The following PTPN20 variants were observed in gnomAD, a reference collection of about 807,000 sequenced individuals.
PTPN20 encodes the protein tyrosine-protein phosphatase non-receptor type 20.
PTPN20 carries 9 observed loss-of-function variants against 35.0 expected under a neutral mutation model. The ratio of observed to expected loss-of-function variants is 0.26; its 90% CI spans 0.15 to 0.45. PTPN20 has a LOEUF of 0.45. Among genes scored for constraint, PTPN20 ranks in the 20% least tolerant of loss-of-function variants. The probability of loss-of-function intolerance (pLI) is 1.00; values close to 1 mark genes in which losing one functional copy is unlikely to be tolerated. For synonymous variants in PTPN20, 32 were observed against 100.2 expected (o/e 0.32, Z 4.06); for missense variants, 111 against 312.5 (o/e 0.36, Z 4.86).
chr10:46,997,772 A>G (rs1179259078), intron 9 of PTPN20, among the ~76,000 whole-genome samples: 1 of 152,194 alleles, frequency 6.6e-6, no homozygotes, highest in Non-Finnish European at 1.5e-5. Context: ...CAGTTCACCA[A>G]AGAGAACATA....
chr10:47,001,445 C>T lies in PTPN20; in HGVS notation c.*704C>T, dbSNP rs1806797. 74,671 of 151,974 alleles carry T rather than the reference C, an allele frequency of 0.49. 19,605 individuals are homozygous for T. The highest frequency in any genetic ancestry group is 0.68 in the African/African-American group (28,249 of 41,404). The allele number at this position is 151,974 out of a possible 1,614,324, so 9.4% of individuals were successfully genotyped here. On this transcript the variant is annotated 3_prime_UTR_variant, in exon 11 of 11. Coordinates refer to ENST00000374339, the MANE Select transcript of PTPN20 (RefSeq NM_001042357.5). ...TTTATATAGAAAGCCCAAGAGGAGA[C>T]TTTTGCCATGCCTGAGTTCTTTCCT...
intron 5 of PTPN20, among the ~76,000 whole-genome samples, chr10:46,951,327 C>G (rs2046589174): frequency 1.3e-5 from 2 of 151,984 alleles, no homozygotes; most frequent in African/African-American, 4.8e-5. Flanking sequence ...TTATTAACTT[C>G]TTCTTGGATT....
chr10:46,923,444 T>C (rs1186465727), intron 1 of PTPN20, among the ~76,000 whole-genome samples: 3 of 144,934 alleles, frequency 2.1e-5, no homozygotes, highest in Middle Eastern at 3.3e-3. Context: ...TAAGGTCTGT[T>C]CCATTATCAT....
chr10:46,935,780 G>A lies in PTPN20; in HGVS notation c.34+3247G>A, dbSNP rs1378342118. Among the ~76,000 whole-genome samples, 3 of 152,190 alleles carry A rather than the reference G, an allele frequency of 2.0e-5. No homozygotes were observed. The East Asian group carries it at 5.8e-4, about 29-fold the overall frequency. ...CTGTGATGAACATACATGTGCATAT[G>A]TCTTTATGACGGAACAATTTATATC... On this transcript the variant is annotated intron_variant, in intron 2 of 10. Coordinates refer to ENST00000374339, the MANE Select transcript of PTPN20 (RefSeq NM_001042357.5).
At chr10:46,993,044 C>T (rs2058297264) in intron 9 of PTPN20, among the ~76,000 whole-genome samples, 4 of 152,164 alleles carry the variant, frequency 2.6e-5, no homozygotes, top group Admixed American at 1.3e-4. Flanking sequence ...CACTGGATTT[C>T]ACAGGCAGTG....
intron 1 of PTPN20, among the ~76,000 whole-genome samples, chr10:46,922,447 G>GTT (rs1294037082): frequency 4.2e-5 from 5 of 118,572 alleles, no homozygotes; most frequent in Non-Finnish European, 6.8e-5. Flanking sequence ...GGTGAACTGT[G>GTT]TTTTACCTGT....
chr10:46,995,476 A>G (rs922141502), intron 9 of PTPN20, among the ~76,000 whole-genome samples: 177 of 151,760 alleles, frequency 1.2e-3, no homozygotes, highest in Non-Finnish European at 1.9e-3. Flanking sequence ...CTCAAAGGAG[A>G]TATCATGGCA....
chr10:46,936,086 C>T (rs2041542041), intron 2 of PTPN20, among the ~76,000 whole-genome samples: 1 of 152,158 alleles, frequency 6.6e-6, no homozygotes, highest in African/African-American at 2.4e-5. Flanking sequence ...TGCTTCTTGG[C>T]TATGTGTATG....
At chr10:46,951,035 T>C (rs2046476517) in intron 5 of PTPN20, among the ~76,000 whole-genome samples, 1 of 148,682 alleles carries the variant, frequency 6.7e-6, no homozygotes, top group South Asian at 2.1e-4. Context: ...ATTTCCTAAG[T>C]ACTGGTACTT....
intron 2 of PTPN20, among the ~76,000 whole-genome samples, chr10:46,939,012 G>A (rs1442581340): frequency 6.6e-6 from 1 of 152,080 alleles, no homozygotes; most frequent in Non-Finnish European, 1.5e-5. Context: ...TCTATGAGTT[G>A]CTTGTTTACA....
At chr10:46,977,773 TAAC>T (rs2054233809) in intron 7 of PTPN20, among the ~76,000 whole-genome samples, 1 of 42,816 alleles carries the variant, frequency 2.3e-5, no homozygotes, top group Admixed American at 3.0e-4. Flanking sequence ...TTATATTTTA[TAAC>T]AACAAAGCTG....
chr10:46,922,951 T>C (rs1397428133), intron 1 of PTPN20, among the ~76,000 whole-genome samples: 1 of 124,600 alleles, frequency 8.0e-6, no homozygotes, highest in Non-Finnish European at 1.6e-5. Flanking sequence ...TCACACATAC[T>C]TGATTTAGGT....
At chr10:46,918,775 G>A (rs2033943714) in intron 1 of PTPN20, among the ~76,000 whole-genome samples, 3 of 129,400 alleles carry the variant, frequency 2.3e-5, no homozygotes, top group African/African-American at 1.0e-4. Context: ...TTGTTTTTAG[G>A]CCCAGAATAT....
intron 10 of PTPN20, among the ~76,000 whole-genome samples, 188 bp downstream of exon 10, chr10:47,000,162 AGCCT>A (rs1378775825): frequency 7.9e-5 from 12 of 152,226 alleles, no homozygotes; most frequent in Non-Finnish European, 1.5e-4. Context: ...AGAGCAATAA[AGCCT>A]GCTCCATGGG....
At chr10:46,922,986 A>G (rs1441521203) in intron 1 of PTPN20, among the ~76,000 whole-genome samples, 2 of 137,010 alleles carry the variant, frequency 1.5e-5, no homozygotes, top group African/African-American at 6.5e-5. Flanking sequence ...GATTTGGGAC[A>G]TTACAGTTGA....
intron 1 of PTPN20, among the ~76,000 whole-genome samples, chr10:46,926,897 A>C (rs1339602754): frequency 6.6e-6 from 1 of 151,090 alleles, no homozygotes; most frequent in African/African-American, 2.5e-5. Flanking sequence ...GGGGTTAGTC[A>C]TGAGCACAGA....
chr10:46,948,444 GA>G (rs1246725874), intron 5 of PTPN20, among the ~76,000 whole-genome samples: 3 of 147,010 alleles, frequency 2.0e-5, no homozygotes, highest in African/African-American at 7.7e-5. Flanking sequence ...ACTGGGTGTA[GA>G]AAAAAAGAGA....
intron 9 of PTPN20, among the ~76,000 whole-genome samples, chr10:46,995,743 T>C (rs1435512273): frequency 6.6e-6 from 1 of 152,196 alleles, no homozygotes; most frequent in East Asian, 1.9e-4. Context: ...GTAACCCAGA[T>C]GGTGGGAAAC....
intron 5 of PTPN20, among the ~76,000 whole-genome samples, chr10:46,959,607 G>T: frequency 7.8e-6 from 1 of 128,954 alleles, no homozygotes; most frequent in African/African-American, 3.2e-5. Flanking sequence ...TTTGTATTTA[G>T]TTGCCTTTTG....
Sources: gnomAD v4.1 joint callset for allele counts (sites outside exome capture counted in the v4.1 genomes callset) on GRCh38, gnomAD v4.1.1 for gene constraint, MANE v1.5 for transcripts, NCBI Gene and HGNC (gene_info 2026-07-23, HGNC 2026-07-21) for gene names.